Variants in CADPS2 observed in about 807,000 individuals in gnomAD.
The protein encoded by CADPS2 is calcium dependent secretion activator 2.
A neutral mutation model predicts 172.5 loss-of-function variants in CADPS2; 93 were observed. The observed-to-expected ratio is 0.54, with a 90% confidence interval of 0.46 to 0.64. The LOEUF is 0.64. Among genes scored for constraint, CADPS2 ranks in the 30% least tolerant of loss-of-function variants. The pLI, the probability that CADPS2 is intolerant of heterozygous loss-of-function variation, is 0.00. For missense variants in CADPS2, 1,420 were observed against 1,565.9 expected (o/e 0.91, Z 1.57); for synonymous variants, 546 against 555.2 (o/e 0.98, Z 0.23).
chr7:122,364,372 G>A (rs562120103), intron 25 of CADPS2, among the ~76,000 whole-genome samples: 38 of 139,854 alleles, frequency 2.7e-4, no homozygotes, highest in Admixed American at 4.6e-4. Context: ...TTGTGCCACT[G>A]CACTCCATCC....
At chr7:122,572,675 C>T (rs2067432496) in intron 7 of CADPS2, among the ~76,000 whole-genome samples, 1 of 152,012 alleles carries the variant, frequency 6.6e-6, no homozygotes, top group Non-Finnish European at 1.5e-5. Context: ...CTTGGGACTG[C>T]TATTTAGATT....
chr7:122,494,127 A>G (rs2058542731), intron 9 of CADPS2, among the ~76,000 whole-genome samples: 1 of 152,180 alleles, frequency 6.6e-6, no homozygotes, highest in Non-Finnish European at 1.5e-5. Context: ...TGAAGGCCCT[A>G]AGAGCAAAAA....
intron 8 of CADPS2, among the ~76,000 whole-genome samples, chr7:122,539,735 C>T (rs148896399): frequency 2.8e-5 from 4 of 144,148 alleles, no homozygotes; most frequent in Non-Finnish European, 1.5e-5. Flanking sequence ...CTCTGCCTGT[C>T]TGTCCCTCTC....
At chr7:122,489,490 A>G (rs1166053920) in intron 11 of CADPS2, among the ~76,000 whole-genome samples, 1 of 152,144 alleles carries the variant, frequency 6.6e-6, no homozygotes, top group African/African-American at 2.4e-5. Flanking sequence ...TTTGACCATT[A>G]TTCCATAATT....
At chr7:122,392,709 C>T (rs1197243122) in intron 22 of CADPS2, among the ~76,000 whole-genome samples, 6 of 151,952 alleles carry the variant, frequency 3.9e-5, no homozygotes, top group South Asian at 2.1e-4. Flanking sequence ...AATGAAAGGG[C>T]CTGCAATGAT....
chr7:122,509,027 C>A (rs1161555437), intron 9 of CADPS2, among the ~76,000 whole-genome samples: 1 of 152,128 alleles, frequency 6.6e-6, no homozygotes, highest in Non-Finnish European at 1.5e-5. Flanking sequence ...GATTTGGCAA[C>A]AATATCTCTG....
chr7:122,645,436 T>G (rs1390685529), intron 3 of CADPS2, among the ~76,000 whole-genome samples: 2 of 101,072 alleles, frequency 2.0e-5, no homozygotes, highest in African/African-American at 6.6e-5. Context: ...TGTATATATG[T>G]ATATATACAC....
At chr7:122,772,196 A>G (rs777083807) in intron 1 of CADPS2, among the ~76,000 whole-genome samples, 1 of 152,216 alleles carries the variant, frequency 6.6e-6, no homozygotes, top group Non-Finnish European at 1.5e-5. Flanking sequence ...AAACATCCAC[A>G]TTTGGTGATT....
At chr7:122,816,365 C>A (rs921880616) in intron 1 of CADPS2, among the ~76,000 whole-genome samples, 2 of 152,098 alleles carry the variant, frequency 1.3e-5, no homozygotes, top group African/African-American at 4.8e-5. Context: ...TTGCAAATGA[C>A]AAGATTTCAT....
Position 122,762,540 on chromosome 7 carries a change from T to G in CADPS2, c.340-25472A>C, listed in dbSNP as rs544091682. Among the ~76,000 whole-genome samples the G allele has an allele frequency of 2.6e-5, 4 of 152,302 alleles. No individual in the cohort carries two copies. The East Asian group carries it at 7.7e-4, about 29-fold the overall frequency. ...TTCAAAAATTTGAAGGAAACTGATT[T>G]GCCATTAAAATTCGTTACCCAGTTA... On this transcript the variant is annotated intron_variant, in intron 1 of 29. Transcript: ENST00000449022.
intron 2 of CADPS2, among the ~76,000 whole-genome samples, chr7:122,697,244 C>T (rs1350961069): frequency 2.6e-5 from 4 of 151,780 alleles, no homozygotes; most frequent in African/African-American, 7.3e-5. Context: ...AACTATTTAT[C>T]AAGAATAAGA....
rs530746857 is a variant in CADPS2 at position 122,379,993 on chromosome 7, A to G, written c.3313-551T>C. On this transcript the variant is annotated intron_variant, in intron 24 of 29. Transcript: ENST00000449022. ...CGAGCAAGGGCAAAATTAGAATTTCATCAACAAAGGTGAATAGATGGTAAC... is the reference window on the plus strand; with the variant it reads ...CGAGCAAGGGCAAAATTAGAATTTCGTCAACAAAGGTGAATAGATGGTAAC... Among the ~76,000 whole-genome samples the G allele has an allele frequency of 5.3e-5, 8 of 152,292 alleles. No homozygotes were observed. The South Asian group carries it at 1.7e-3, about 32-fold the overall frequency.
intron 2 of CADPS2, among the ~76,000 whole-genome samples, chr7:122,722,978 T>C (rs998449254): frequency 2.6e-5 from 4 of 152,174 alleles, no homozygotes; most frequent in East Asian, 3.9e-4. Context: ...GCTAGCTATA[T>C]GTAGACAGCT....
At chr7:122,592,926 A>T (rs920538219) in intron 6 of CADPS2, among the ~76,000 whole-genome samples, 9 of 152,128 alleles carry the variant, frequency 5.9e-5, no homozygotes, top group Admixed American at 5.9e-4. Flanking sequence ...AACATGGCAC[A>T]TGTATACATA....
chr7:122,343,844 C>T (rs1251267284), intron 28 of CADPS2, among the ~76,000 whole-genome samples: 1 of 152,134 alleles, frequency 6.6e-6, no homozygotes, highest in Non-Finnish European at 1.5e-5. Context: ...CTTGTAAATT[C>T]AGAGCAATAC....
intron 16 of CADPS2, among the ~76,000 whole-genome samples, chr7:122,441,232 T>C (rs1043457128): frequency 6.6e-6 from 1 of 152,096 alleles, no homozygotes; most frequent in African/African-American, 2.4e-5. Flanking sequence ...GAAAAAAAAG[T>C]ATTTCATGAG....
chr7:122,872,372 T>C lies in CADPS2; in HGVS notation c.339+13627A>G, dbSNP rs145893954. Among the ~76,000 whole-genome samples, 13 of 151,428 alleles carry C rather than the reference T, an allele frequency of 8.6e-5. No homozygotes were observed. In the East Asian group the frequency reaches 2.5e-3, roughly 29 times the overall value. The stretch of plus-strand genomic sequence containing the variant: ...GGTGTTCCAGTTAAAAACAATGAGA[T>C]TCATTATAGGAACCTTTGTTTTGTC... On this transcript the variant is annotated intron_variant, in intron 1 of 29. Transcript: ENST00000449022.
intron 3 of CADPS2, among the ~76,000 whole-genome samples, chr7:122,646,278 G>A (rs745826595): frequency 6.6e-6 from 1 of 151,972 alleles, no homozygotes; most frequent in Non-Finnish European, 1.5e-5. Context: ...CTGTACATAT[G>A]GTACAACAGT....
chr7:122,756,839 G>T (rs1003108396), intron 1 of CADPS2, among the ~76,000 whole-genome samples: 1 of 151,942 alleles, frequency 6.6e-6, no homozygotes, highest in Non-Finnish European at 1.5e-5. Flanking sequence ...GGCAGAGGTT[G>T]CAGTGAGCCA....
Sources: gnomAD v4.1 joint callset for allele counts (sites outside exome capture counted in the v4.1 genomes callset) on GRCh38, gnomAD v4.1.1 for gene constraint, MANE v1.5 for transcripts, NCBI Gene and HGNC (gene_info 2026-07-23, HGNC 2026-07-21) for gene names.